Variants in ZNF717 observed in about 807,000 individuals in gnomAD.
ZNF717 encodes krueppel-like factor X17.
A neutral mutation model predicts 13.8 loss-of-function variants in ZNF717; 9 were observed. The ratio of observed to expected loss-of-function variants is 0.65; its 90% CI spans 0.39 to 1.14. The LOEUF (loss-of-function observed/expected upper bound fraction) is 1.14, where lower values mean the gene tolerates loss of function less well. Ranked by LOEUF, ZNF717 falls within the 50% of genes most tolerant of loss-of-function variation. The pLI, the probability that ZNF717 is intolerant of heterozygous loss-of-function variation, is 0.01. For synonymous variants in ZNF717, 327 were observed against 364.1 expected, an observed-to-expected ratio of 0.90 and a Z score of 1.16; for missense variants, 1,040 against 1,080.7, an observed-to-expected ratio of 0.96 and a Z score of 0.53.
intron 2 of ZNF717, among the ~76,000 whole-genome samples, chr3:75,765,057 G>GTGTA (rs1943357049): frequency 1.2e-5 from 1 of 85,838 alleles, no homozygotes; most frequent in Admixed American, 1.1e-4. Context: ...GTGTGTGTGT[G>GTGTA]TATATGTACA....
chr3:75,765,207 T>C (rs796997293), intron 2 of ZNF717, among the ~76,000 whole-genome samples: 7,789 of 67,186 alleles, frequency 0.12, no homozygotes, highest in Non-Finnish European at 0.16. Flanking sequence ...AGTAGAATAG[T>C]ACTTGCCAGG....
chr3:75,696,171 T>A (rs151278273), intron 6 of ZNF717, among the ~76,000 whole-genome samples: 5 of 152,310 alleles, frequency 3.3e-5, no homozygotes, highest in African/African-American at 1.2e-4. Flanking sequence ...TCATTAGTGG[T>A]TACTATCAGC....
downstream of ZNF717, among the ~76,000 whole-genome samples, chr3:75,729,354 A>G (rs1260441223): frequency 6.6e-6 from 1 of 152,240 alleles, no homozygotes; most frequent in African/African-American, 2.4e-5. Context: ...GGCAGCTCAC[A>G]TCTGTAATCC....
Position 75,738,228 on chromosome 3 carries a change from G to A in ZNF717, c.1395C>T (p.Asn465=). The change falls in exon 5 of 5, where the codon AAC becomes AAT. Residue 465 remains asparagine (N), a synonymous_variant. Coordinates refer to ENST00000652011, the MANE Select transcript of ZNF717 (RefSeq NM_001290208.3). ...ECGKPFINKS[N]LRLHQRTHTG... ...TGTGAGTTCTCTGATGTAACCTGAG[G>A]TTTGACTTATTGATAAAGGGTTTTC... 6.5e-7 allele frequency: 1 copy of A among 1,546,728 alleles called. No individual in the cohort carries two copies. Among genetic ancestry groups the A allele is most frequent in the Non-Finnish European group, 8.8e-7 (1 of 1,140,928 alleles).
In ZNF717 at chr3:75,738,297, CTGA is replaced by C; in HGVS notation, c.1323_1325del (p.His441del). On this transcript the variant is annotated inframe_deletion, in exon 5 of 5. Coordinates refer to ENST00000652011, the MANE Select transcript of ZNF717 (RefSeq NM_001290208.3). ...ACGGTTTTTCCCCTGTGTGTGTTCT[CTGA>C]TGGACAGTAAGCCTTGACTTATGGC... The C allele has an allele frequency of 6.4e-7, 1 of 1,552,064 alleles. No individual in the cohort carries two copies. The highest frequency in any genetic ancestry group is 8.7e-7 in the Non-Finnish European group (1 of 1,145,670).
At chr3:75,748,683 G>A (rs1161818144) in intron 2 of ZNF717, among the ~76,000 whole-genome samples, 8 of 152,202 alleles carry the variant, frequency 5.3e-5, no homozygotes, top group Non-Finnish European at 8.8e-5. Flanking sequence ...GTATTGATGC[G>A]ACATATCTAA....
chr3:75,744,909 C>G (rs2107268858), intron 2 of ZNF717, among the ~76,000 whole-genome samples: 1 of 152,296 alleles, frequency 6.6e-6, no homozygotes, highest in Admixed American at 6.5e-5. Flanking sequence ...CCACTGCAGC[C>G]CATTCTAATC....
At chr3:75,751,810 T>C (rs1435684959) in intron 2 of ZNF717, among the ~76,000 whole-genome samples, 2 of 151,680 alleles carry the variant, frequency 1.3e-5, no homozygotes, top group Non-Finnish European at 2.9e-5. Context: ...TCAGATAGGA[T>C]TTGAGAACAC....
chr3:75,714,610 A>AC (rs1478186642), intron 5 of ZNF717, among the ~76,000 whole-genome samples: 229 of 152,138 alleles, frequency 1.5e-3, no homozygotes, highest in African/African-American at 4.6e-3. Flanking sequence ...TTGCCTCGGC[A>AC]CCTGGGTGGC....
At chr3:75,752,072 TCTGA>T (rs1256878939) in intron 2 of ZNF717, among the ~76,000 whole-genome samples, 2 of 151,644 alleles carry the variant, frequency 1.3e-5, no homozygotes, top group African/African-American at 2.4e-5. Context: ...CCTGCTGTGG[TCTGA>T]CTAACCCTCA....
intron 6 of ZNF717, among the ~76,000 whole-genome samples, chr3:75,695,654 A>C (rs1188884136): frequency 6.6e-6 from 1 of 152,286 alleles, no homozygotes; most frequent in Non-Finnish European, 1.5e-5. Context: ...TGAAATTATA[A>C]ATCAATTAAA....
chr3:75,737,040 C>G lies in ZNF717; in HGVS notation c.2583G>C (p.Gln861His), dbSNP rs1939347067. ...FSQKSGLSIH[Q>H]RTHTGEKPYE... ...AAGGTTTTTCTCCTGTGTGTGTTCT[C>G]TGATGTATACTGAGGCCTGACTTCT... Residue 861 changes from glutamine to histidine, a missense_variant, in exon 5 of 5, where the codon CAG becomes CAC. Transcript: ENST00000652011. 1 of 1,603,386 alleles carries G rather than the reference C, an allele frequency of 6.2e-7. No individual in the cohort carries two copies. Among genetic ancestry groups the G allele is most frequent in the Non-Finnish European group, 8.5e-7 (1 of 1,174,908 alleles).
intron 2 of ZNF717, among the ~76,000 whole-genome samples, chr3:75,778,518 T>G (rs1190502269): frequency 1.3e-5 from 2 of 150,522 alleles, no homozygotes; most frequent in Non-Finnish European, 3.0e-5. Context: ...ACAATGGCAG[T>G]GACGTGCTAA....
intron 2 of ZNF717, among the ~76,000 whole-genome samples, chr3:75,780,448 A>G (rs1297481716): frequency 6.6e-6 from 1 of 152,218 alleles, no homozygotes; most frequent in Non-Finnish European, 1.5e-5. Flanking sequence ...TCTGTCCCCC[A>G]GAGTGGAGTG....
At chr3:75,721,276 T>C (rs558381900) in intron 4 of ZNF717, among the ~76,000 whole-genome samples, 1 of 152,314 alleles carries the variant, frequency 6.6e-6, no homozygotes, top group African/African-American at 2.4e-5. Flanking sequence ...ACTGATGTTT[T>C]TGTTTATTTA....
chr3:75,721,157 A>C lies in ZNF717; in HGVS notation n.545-4616T>G, dbSNP rs74733874. Among the ~76,000 whole-genome samples, 14 of 146,898 alleles carry C rather than the reference A, an allele frequency of 9.5e-5. No individual in the cohort carries two copies. In the East Asian group the frequency reaches 1.2e-3, roughly 13 times the overall value. On this transcript the variant is annotated intron_variant and non_coding_transcript_variant, in intron 4 of 5. Coordinates refer to the ZNF717 transcript ENST00000491507. ...AGGAAAAACTACTTGAAAATAATTA[A>C]GGTTGTTCAGGTTCAAATCAACAAA...
intron 2 of ZNF717, among the ~76,000 whole-genome samples, chr3:75,775,640 A>T (rs1944249217): frequency 6.6e-6 from 1 of 152,156 alleles, no homozygotes; most frequent in Non-Finnish European, 1.5e-5. Flanking sequence ...GGATCACTTC[A>T]GGTCAGGAGT....
chr3:75,718,815 C>T (rs2106855467), intron 4 of ZNF717, among the ~76,000 whole-genome samples: 1 of 152,272 alleles, frequency 6.6e-6, no homozygotes, highest in Admixed American at 6.5e-5. Context: ...TCAGCCACCA[C>T]TCACCTCCTG....
chr3:75,709,699 T>G (rs1454241182), exon 6 of ZNF717: 2 of 152,200 alleles, frequency 1.3e-5, no homozygotes, highest in Non-Finnish European at 2.9e-5. Context: ...ATCTTTTTCA[T>G]CATCAGGCAT....
Sources: gnomAD v4.1 joint callset for allele counts (sites outside exome capture counted in the v4.1 genomes callset) on GRCh38, gnomAD v4.1.1 for gene constraint, MANE v1.5 for transcripts, NCBI Gene and HGNC (gene_info 2026-07-23, HGNC 2026-07-21) for gene names.